Variants in MKLN1 observed in about 807,000 individuals in gnomAD.
MKLN1 encodes muskelin 1.
A neutral mutation model predicts 99.0 loss-of-function variants in MKLN1; 18 were observed. The observed-to-expected ratio is 0.18, with a 90% CI of 0.13 to 0.27. The LOEUF (loss-of-function observed/expected upper bound fraction) is 0.27, where lower values mean the gene tolerates loss of function less well. Ranked by LOEUF, MKLN1 falls within the 10% of genes least tolerant of loss-of-function variation. MKLN1 has a pLI of 1.00. For synonymous variants in MKLN1, 288 were observed against 293.2 expected, an observed-to-expected ratio of 0.98 and a Z score of 0.18; for missense variants, 621 against 875.9, an observed-to-expected ratio of 0.71 and a Z score of 3.67.
chr7:131,162,047 CAT>C (rs1796062656), intron 2 of MKLN1, among the ~76,000 whole-genome samples: 10 of 139,706 alleles, frequency 7.2e-5, no homozygotes, highest in African/African-American at 1.8e-4. Flanking sequence ...CACACACACA[CAT>C]ATATATATGT....
chr7:131,166,581 G>A (rs1796128409), intron 2 of MKLN1, among the ~76,000 whole-genome samples: 1 of 152,076 alleles, frequency 6.6e-6, no homozygotes, highest in Admixed American at 6.6e-5. Context: ...GCCCGACATG[G>A]GTCTGTCTTA....
chr7:131,113,690 A>G (rs1232590074), intron 1 of MKLN1, among the ~76,000 whole-genome samples: 1 of 146,704 alleles, frequency 6.8e-6, no homozygotes, highest in Non-Finnish European at 1.5e-5. Context: ...AAAAAAAATT[A>G]GCCAGGCCTG....
chr7:131,406,998 C>T (rs1794727445), intron 6 of MKLN1, among the ~76,000 whole-genome samples: 1 of 152,032 alleles, frequency 6.6e-6, no homozygotes, highest in African/African-American at 2.4e-5. Context: ...GGTTTTCTTT[C>T]AATTAAATAT....
At chr7:131,207,893 T>C (rs1796843342) in intron 3 of MKLN1, among the ~76,000 whole-genome samples, 1 of 152,182 alleles carries the variant, frequency 6.6e-6, no homozygotes, top group African/African-American at 2.4e-5. Context: ...AAAGAACATA[T>C]ATAGAAATAT....
chr7:131,471,262 G>A, intron 16 of MKLN1: 2 of 203,810 alleles, frequency 9.8e-6, no homozygotes, highest in South Asian at 1.8e-4. Context: ...TTTTACTTAA[G>A]GATTACATAA....
intron 15 of MKLN1, among the ~76,000 whole-genome samples, chr7:131,468,711 A>G (rs974705631): frequency 6.6e-6 from 1 of 152,208 alleles, no homozygotes; most frequent in Non-Finnish European, 1.5e-5. Context: ...GGAACAGGGC[A>G]GAACTGTTGA....
chr7:131,215,580 T>C (rs752979653), intron 3 of MKLN1, among the ~76,000 whole-genome samples: 10 of 152,222 alleles, frequency 6.6e-5, no homozygotes, highest in Admixed American at 2.6e-4. Flanking sequence ...TCCTCCCACC[T>C]CAGCCTTCCA....
At chr7:131,351,040 C>A (rs894839879) in intron 1 of MKLN1, among the ~76,000 whole-genome samples, 2 of 152,202 alleles carry the variant, frequency 1.3e-5, no homozygotes, top group African/African-American at 4.8e-5. Flanking sequence ...AGGATCCAAA[C>A]GCTTATTGCA....
intron 6 of MKLN1, among the ~76,000 whole-genome samples, chr7:131,405,241 A>G (rs1794665356): frequency 6.6e-6 from 1 of 151,618 alleles, no homozygotes; most frequent in Non-Finnish European, 1.5e-5. Context: ...ATATTTTTCC[A>G]TCAGCACATG....
chr7:131,237,913 G>A (rs996318188), intron 3 of MKLN1, among the ~76,000 whole-genome samples: 3 of 152,138 alleles, frequency 2.0e-5, no homozygotes, highest in East Asian at 1.9e-4. Flanking sequence ...TTGGGAGGCC[G>A]AGGCAGGTGG....
chr7:131,392,358 A>G (rs1247592226), intron 4 of MKLN1, among the ~76,000 whole-genome samples: 1 of 152,162 alleles, frequency 6.6e-6, no homozygotes, highest in Non-Finnish European at 1.5e-5. Flanking sequence ...TCTGAGCATG[A>G]AGTCTGGGTA....
rs57016059 is a variant in MKLN1 at position 131,346,520 on chromosome 7, CAA to C, written c.98+18536_98+18537del. Among the ~76,000 whole-genome samples the C allele has an allele frequency of 3.9e-3, 533 of 137,938 alleles. 2 individuals are homozygous for C. The highest frequency in any genetic ancestry group is 3.9e-3 in the Middle Eastern group (1 of 254). The allele number at this position is 137,938 out of a possible 152,430, so 90.5% of individuals were successfully genotyped here. A position where few individuals can be genotyped will look rare whatever the true frequency, so the allele number is the denominator to read the frequency against. ...CTAGTGACAGAGCGAGACTCAGTCT[CAA>C]AAAAAAAAAAAACCCAAAAAACAAT... On this transcript the variant is annotated intron_variant, in intron 1 of 17. Transcript: ENST00000352689.
At chr7:131,435,753 G>T (rs1208956558) in intron 9 of MKLN1, among the ~76,000 whole-genome samples, 1 of 151,776 alleles carries the variant, frequency 6.6e-6, no homozygotes, top group Non-Finnish European at 1.5e-5. Context: ...TTCATTTCTG[G>T]TACTGGCAAT....
chr7:131,226,439 T>C (rs532572778), intron 3 of MKLN1, among the ~76,000 whole-genome samples: 22 of 152,224 alleles, frequency 1.4e-4, no homozygotes, highest in African/African-American at 4.1e-4. Flanking sequence ...TCTGAAACCA[T>C]TGAGAGGCTT....
intron 3 of MKLN1, among the ~76,000 whole-genome samples, chr7:131,210,891 G>A (rs529970441): frequency 7.9e-5 from 12 of 150,982 alleles, no homozygotes; most frequent in African/African-American, 1.2e-4. Context: ...GGTTGAAGTC[G>A]TTAAAATAGG....
chr7:131,145,163 A>G (rs993024494), intron 2 of MKLN1, among the ~76,000 whole-genome samples: 1 of 152,206 alleles, frequency 6.6e-6, no homozygotes, highest in Admixed American at 6.5e-5. Context: ...AGAATTACAA[A>G]TAGGTTGGAG....
intron 3 of MKLN1, among the ~76,000 whole-genome samples, chr7:131,252,774 G>A (rs1002913169): frequency 1.3e-5 from 2 of 152,128 alleles, no homozygotes; most frequent in Non-Finnish European, 2.9e-5. Flanking sequence ...GGTTTATTTT[G>A]ATTAGTGTCT....
intron 2 of MKLN1, among the ~76,000 whole-genome samples, chr7:131,162,483 G>C (rs1341892160): frequency 2.0e-5 from 3 of 152,178 alleles, no homozygotes; most frequent in African/African-American, 7.2e-5. Context: ...ATGGGTGGTT[G>C]AGATAGTGAC....
Position 131,293,685 on chromosome 7 carries a change from A to T in MKLN1, c.-178-81739A>T, listed in dbSNP as rs367687270. Among the ~76,000 whole-genome samples, 8 of 152,304 alleles carry T rather than the reference A, an allele frequency of 5.3e-5. No homozygotes were observed. In the South Asian group the frequency reaches 1.2e-3, roughly 24 times the overall value. On this transcript the variant is annotated intron_variant, in intron 3 of 7. Transcript: ENST00000416992. ...GCTGGGTGTAGTGGTGTGCACCTGT[A>T]GTACCAGCTACTCCAGAGGCTGAAG...
Sources: gnomAD v4.1 joint callset for allele counts (sites outside exome capture counted in the v4.1 genomes callset) on GRCh38, gnomAD v4.1.1 for gene constraint, MANE v1.5 for transcripts, NCBI Gene and HGNC (gene_info 2026-07-23, HGNC 2026-07-21) for gene names.